Variants in DLG2 observed in about 807,000 individuals in gnomAD.
DLG2 encodes the protein discs large MAGUK scaffold protein 2, also known as disks large homolog 2.
Under a neutral mutation model 132.5 loss-of-function variants are expected in DLG2, and 45 were observed. The observed-to-expected ratio is 0.34, with a 90% CI of 0.27 to 0.44. The LOEUF (loss-of-function observed/expected upper bound fraction) is 0.44. Ranked by LOEUF, DLG2 falls within the 20% of genes least tolerant of loss-of-function variation. The pLI is 1.00. For synonymous variants in DLG2, 424 were observed against 419.6 expected, an observed-to-expected ratio of 1.01 and a Z score of -0.13; for missense variants, 1,045 against 1,196.9, an observed-to-expected ratio of 0.87 and a Z score of 1.87.
At chr11:84,528,324 C>A (rs1279796858) in intron 7 of DLG2, among the ~76,000 whole-genome samples, 1 of 152,222 alleles carries the variant, frequency 6.6e-6, no homozygotes, top group African/African-American at 2.4e-5. Context: ...TCCAATCCCA[C>A]ACTTCACACT....
chr11:85,571,789 T>C (rs117250956), intron 3 of DLG2, among the ~76,000 whole-genome samples: 242 of 152,352 alleles, frequency 1.6e-3, no homozygotes, highest in South Asian at 2.5e-3. Flanking sequence ...ACTAAAATAT[T>C]TGCTTATAAA....
intron 21 of DLG2, among the ~76,000 whole-genome samples, chr11:83,491,658 G>A (rs924547646): frequency 3.3e-5 from 5 of 151,932 alleles, no homozygotes; most frequent in Non-Finnish European, 7.4e-5. Flanking sequence ...TGGATTTTAC[G>A]ATGACTCTAA....
At chr11:84,392,326 A>G (rs1021778291) in intron 7 of DLG2, among the ~76,000 whole-genome samples, 4 of 152,190 alleles carry the variant, frequency 2.6e-5, no homozygotes, top group Non-Finnish European at 5.9e-5. Flanking sequence ...TTTGAATTAA[A>G]CTGATGATTG....
At chr11:85,381,089 G>C (rs1461985076) in intron 3 of DLG2, among the ~76,000 whole-genome samples, 1 of 152,180 alleles carries the variant, frequency 6.6e-6, no homozygotes, top group Non-Finnish European at 1.5e-5. Context: ...CTTATACTCT[G>C]CTTCAGTATA....
intron 5 of DLG2, among the ~76,000 whole-genome samples, chr11:85,144,252 CTCTT>C (rs911271822): frequency 6.6e-5 from 10 of 151,338 alleles, no homozygotes; most frequent in African/African-American, 2.4e-4. Context: ...CTAATTCCTG[CTCTT>C]TCTTAGTTTA....
chr11:83,459,806 G>T lies in DLG2; in HGVS notation c.*12C>A. ...ATGCTCTTCTGTCGTTGTCAGAGGC[G>T]CAGTAGCTAATTTATAACTTTTCCT... is the stretch of plus-strand genomic sequence containing the variant. On this transcript the variant is annotated 3_prime_UTR_variant, in exon 28 of 28. Transcript: ENST00000376104. 1 of 1,428,500 alleles carries T rather than the reference G, an allele frequency of 7.0e-7. No homozygotes were observed. Among genetic ancestry groups the T allele is most frequent in the Non-Finnish European group, 9.9e-7 (1 of 1,010,838 alleles). The allele number at this position is 1,428,500 out of a possible 1,614,324, so 88.5% of individuals were successfully genotyped here.
intron 9 of DLG2, among the ~76,000 whole-genome samples, chr11:84,119,771 G>C (rs1189548011): frequency 6.6e-6 from 1 of 151,936 alleles, no homozygotes; most frequent in Non-Finnish European, 1.5e-5. Flanking sequence ...TTTTATATTT[G>C]GCTTAAAACA....
intron 7 of DLG2, among the ~76,000 whole-genome samples, chr11:84,372,402 T>G (rs1474304991): frequency 2.0e-5 from 3 of 152,178 alleles, no homozygotes; most frequent in Non-Finnish European, 1.5e-5. Flanking sequence ...TGTGATGATT[T>G]GCCATCACAC....
At chr11:84,521,618 T>A (rs567427526) in intron 7 of DLG2, among the ~76,000 whole-genome samples, 6 of 152,328 alleles carry the variant, frequency 3.9e-5, no homozygotes, top group Non-Finnish European at 8.8e-5. Context: ...TGCCTGGGTC[T>A]GTGCAGCGCA....
chr11:84,236,579 CAA>C, intron 8 of DLG2, among the ~76,000 whole-genome samples: 1 of 152,356 alleles, frequency 6.6e-6, no homozygotes, highest in Non-Finnish European at 1.5e-5. Context: ...GTCAGCAGAA[CAA>C]CCCTTGGAGG....
chr11:85,303,395 A>T (rs2079730994), intron 3 of DLG2, among the ~76,000 whole-genome samples: 1 of 152,252 alleles, frequency 6.6e-6, no homozygotes. Context: ...GATGATAATA[A>T]TAGCAGAGGG....
chr11:85,429,264 A>C (rs948641722), intron 3 of DLG2, among the ~76,000 whole-genome samples: 1 of 152,232 alleles, frequency 6.6e-6, no homozygotes, highest in South Asian at 2.1e-4. Flanking sequence ...AATCCTCCCT[A>C]ACTCATTTTA....
chr11:84,653,820 G>T (rs967302121), intron 6 of DLG2, among the ~76,000 whole-genome samples: 2 of 152,124 alleles, frequency 1.3e-5, no homozygotes, highest in African/African-American at 4.8e-5. Flanking sequence ...ATAACAGGAT[G>T]GGGCATAGTG....
chr11:83,494,436 C>T lies in DLG2; in HGVS notation c.2194-10208G>A, dbSNP rs138474551. Among the ~76,000 whole-genome samples the T allele has an allele frequency of 2.1e-4, 32 of 151,442 alleles. No homozygotes were observed. In the East Asian group the frequency reaches 3.7e-3, roughly 17 times the overall value. On this transcript the variant is annotated intron_variant, in intron 21 of 27. Transcript: ENST00000376104. The stretch of plus-strand genomic sequence containing the variant: ...CTCTATTCTCAAATTACTCCTCTGC[C>T]GGGCTCTTAGGTACTTACCTGAGGC...
chr11:84,645,827 C>T (rs2099674222), intron 6 of DLG2, among the ~76,000 whole-genome samples: 1 of 152,146 alleles, frequency 6.6e-6, no homozygotes, highest in South Asian at 2.1e-4. Context: ...GAATATTTCC[C>T]GTGCTTGATT....
intron 21 of DLG2, among the ~76,000 whole-genome samples, chr11:83,510,201 T>C (rs2094932377): frequency 6.6e-6 from 1 of 152,056 alleles, no homozygotes; most frequent in South Asian, 2.1e-4. Flanking sequence ...TCTTTCTTTC[T>C]ACCTCCCCTC....
chr11:84,657,158 A>C (rs2099689254), intron 6 of DLG2, among the ~76,000 whole-genome samples: 1 of 152,132 alleles, frequency 6.6e-6, no homozygotes, highest in Non-Finnish European at 1.5e-5. Context: ...TCCATCTCCC[A>C]ACAGACCTGT....
intron 6 of DLG2, among the ~76,000 whole-genome samples, chr11:85,088,481 T>C (rs1005856091): frequency 3.3e-5 from 5 of 152,182 alleles, no homozygotes; most frequent in Non-Finnish European, 5.9e-5. Flanking sequence ...ATATAAACAT[T>C]CAAATTTTCT....
chr11:84,146,331 T>G (rs575079410), intron 9 of DLG2, among the ~76,000 whole-genome samples: 1 of 152,178 alleles, frequency 6.6e-6, no homozygotes, highest in East Asian at 1.9e-4. Context: ...CATTTTAAAA[T>G]AACAAAAAAG....
Sources: allele counts gnomAD v4.1 joint callset (sites outside exome capture counted in the v4.1 genomes callset), GRCh38; gene constraint gnomAD v4.1.1; transcripts MANE v1.5; gene names NCBI Gene and HGNC (gene_info 2026-07-23, HGNC 2026-07-21).